SNX8: variants seen among roughly 807,000 people sequenced by gnomAD.
SNX8 encodes sorting nexin 8.
SNX8 carries 25 observed loss-of-function variants against 51.6 expected under a neutral mutation model. The ratio of observed to expected loss-of-function variants is 0.48; its 90% CI spans 0.35 to 0.68. The LOEUF (loss-of-function observed/expected upper bound fraction) is 0.68, where lower values mean the gene tolerates loss of function less well. Among genes scored for constraint, SNX8 ranks in the 30% least tolerant of loss-of-function variants. The probability of loss-of-function intolerance (pLI) is 0.00; values close to 1 mark genes in which losing one functional copy is unlikely to be tolerated. For synonymous variants in SNX8, 324 were observed against 277.0 expected (o/e 1.17, Z -1.68); for missense variants, 695 against 624.0 (o/e 1.11, Z -1.21).
chr7:2,331,233 C>A (rs964761317), intron 1 of SNX8, among the ~76,000 whole-genome samples: 1 of 147,324 alleles, frequency 6.8e-6, no homozygotes, highest in Non-Finnish European at 1.5e-5. Context: ...AAAATTAATT[C>A]ATAACCAATA....
chr7:2,333,824 C>T (rs1044525290), intron 1 of SNX8, among the ~76,000 whole-genome samples: 3 of 152,268 alleles, frequency 2.0e-5, no homozygotes, highest in African/African-American at 7.2e-5. Context: ...TATTAACCCA[C>T]GTCATAGGTC....
chr7:2,351,175 C>T (rs957143420), intron 1 of SNX8, among the ~76,000 whole-genome samples: 1 of 152,016 alleles, frequency 6.6e-6, no homozygotes, highest in African/African-American at 2.4e-5. Context: ...CGCTGCAGGT[C>T]AGCCTGGGAG....
At chr7:2,322,427 G>C (rs1442987631) in intron 1 of SNX8, among the ~76,000 whole-genome samples, 1 of 152,074 alleles carries the variant, frequency 6.6e-6, no homozygotes, top group Non-Finnish European at 1.5e-5. Context: ...GGGCGCCGTG[G>C]CTCACACCTG....
Position 2,265,538 on chromosome 7 carries a change from A to G in SNX8, c.622-1080T>C, listed in dbSNP as rs144500676. Among the ~76,000 whole-genome samples the G allele has an allele frequency of 2.2e-3, 330 of 150,476 alleles. 2 individuals carry two copies. The highest frequency in any genetic ancestry group is 1.9e-3 in the Non-Finnish European group (131 of 67,578). ...AGCGCCTGTGGTCCCAGGTGCTTACAGAGGGCTGAGGCAGGAGGATCACTT... is the reference window on the plus strand; with the variant it reads ...AGCGCCTGTGGTCCCAGGTGCTTACGGAGGGCTGAGGCAGGAGGATCACTT... On this transcript the variant is annotated intron_variant, in intron 5 of 10. Transcript: ENST00000222990.
intron 1 of SNX8, among the ~76,000 whole-genome samples, chr7:2,319,648 T>C (rs1796803451): frequency 6.6e-6 from 1 of 152,146 alleles, no homozygotes; most frequent in Non-Finnish European, 1.5e-5. Context: ...ACCCCGTCTC[T>C]ACTAAAAATA....
chr7:2,335,498 G>A (rs774449994), intron 1 of SNX8, among the ~76,000 whole-genome samples: 3 of 151,182 alleles, frequency 2.0e-5, no homozygotes, highest in Non-Finnish European at 4.4e-5. Flanking sequence ...AAAAAAGAAA[G>A]AAACAATATG....
intron 1 of SNX8, among the ~76,000 whole-genome samples, chr7:2,350,348 A>G (rs565957369): frequency 2.6e-5 from 4 of 152,314 alleles, no homozygotes; most frequent in East Asian, 1.9e-4. Flanking sequence ...GGCTTCCCCA[A>G]GGGGCCGTGT....
At chr7:2,305,517 C>T (rs1266869452) in intron 1 of SNX8, among the ~76,000 whole-genome samples, 1 of 152,006 alleles carries the variant, frequency 6.6e-6, no homozygotes, top group African/African-American at 2.4e-5. Flanking sequence ...GCACCCGCCA[C>T]CACACCTGGC....
intron 3 of SNX8, among the ~76,000 whole-genome samples, chr7:2,273,961 G>A (rs991042454): frequency 6.6e-6 from 1 of 152,148 alleles, no homozygotes; most frequent in East Asian, 1.9e-4. Flanking sequence ...TAGGTGGCTG[G>A]GGCTCCCTCC....
At chr7:2,315,427 T>A (rs1221329642), upstream of SNX8, among the ~76,000 whole-genome samples, 1 of 151,536 alleles carries the variant, frequency 6.6e-6, no homozygotes, top group East Asian at 1.9e-4. Flanking sequence ...CCTGCATTCA[T>A]TCATCCACCC....
intron 5 of SNX8, among the ~76,000 whole-genome samples, chr7:2,267,527 C>A (rs1162092321): frequency 1.1e-4 from 15 of 131,218 alleles, no homozygotes; most frequent in African/African-American, 4.1e-4. Flanking sequence ...TTGGCCGGGC[C>A]GGTCTCCAGC....
At chr7:2,344,834 C>A (rs1480582718) in intron 1 of SNX8, among the ~76,000 whole-genome samples, 2 of 152,108 alleles carry the variant, frequency 1.3e-5, no homozygotes, top group Non-Finnish European at 2.9e-5. Flanking sequence ...CTGAGGCAGG[C>A]GGATCACATG....
chr7:2,257,093 G>GA, intron 9 of SNX8, 70 bp from the exon 10 acceptor site: 1 of 1,486,442 alleles, frequency 6.7e-7, no homozygotes, highest in Non-Finnish European at 9.0e-7. Context: ...CCGAACACCA[G>GA]CGTGCTCCCT....
chr7:2,317,593 C>T (rs1419400269), upstream of SNX8, among the ~76,000 whole-genome samples: 3 of 152,014 alleles, frequency 2.0e-5, no homozygotes, highest in East Asian at 3.9e-4. Context: ...GACCTTCTAA[C>T]GCTGATGTCA....
chr7:2,304,501 C>G (rs1044399102), intron 1 of SNX8, among the ~76,000 whole-genome samples: 8 of 151,178 alleles, frequency 5.3e-5, no homozygotes, highest in African/African-American at 1.5e-4. Flanking sequence ...CGGAGATTGC[C>G]CCACTGTACT....
intron 1 of SNX8, among the ~76,000 whole-genome samples, chr7:2,333,359 A>G (rs1052452544): frequency 6.6e-6 from 1 of 152,126 alleles, no homozygotes; most frequent in African/African-American, 2.4e-5. Flanking sequence ...CAAGAGATCA[A>G]GAACATCCTG....
At chr7:2,299,826 GAGA>G (rs1384113812) in intron 1 of SNX8, among the ~76,000 whole-genome samples, 1 of 152,032 alleles carries the variant, frequency 6.6e-6, no homozygotes, top group Non-Finnish European at 1.5e-5. Context: ...AGGCCAAATG[GAGA>G]AGAACCTTCA....
At chr7:2,263,776 C>G (rs571278057) in intron 6 of SNX8, among the ~76,000 whole-genome samples, 1 of 152,048 alleles carries the variant, frequency 6.6e-6, no homozygotes, top group African/African-American at 2.4e-5. Flanking sequence ...TGCAGTGGCG[C>G]GATCTCGGCT....
chr7:2,293,777 A>G (rs1468115079), intron 1 of SNX8, among the ~76,000 whole-genome samples: 1 of 150,556 alleles, frequency 6.6e-6, no homozygotes, highest in African/African-American at 2.5e-5. Flanking sequence ...TGCCTGGCCA[A>G]CATGGTGAAA....
Sources: allele counts gnomAD v4.1 joint callset (sites outside exome capture counted in the v4.1 genomes callset), GRCh38; gene constraint gnomAD v4.1.1; transcripts MANE v1.5; gene names NCBI Gene and HGNC (gene_info 2026-07-23, HGNC 2026-07-21).